The following PTPRD variants were observed in gnomAD, a reference collection of about 807,000 sequenced individuals.
PTPRD encodes receptor-type tyrosine-protein phosphatase delta.
Under a neutral mutation model 214.5 loss-of-function variants are expected in PTPRD, and 34 were observed. That is an observed-to-expected ratio of 0.16 (90% CI 0.12 to 0.21). PTPRD has a LOEUF of 0.21. PTPRD is among the 10% of genes least tolerant of loss of function. PTPRD has a pLI of 1.00. For missense variants in PTPRD, 2,545 were observed against 2,398.7 expected (o/e 1.06, Z -1.27); for synonymous variants, 1,128 against 845.7 (o/e 1.33, Z -5.79).
At chr9:8,337,173 C>G (rs186974692) in intron 43 of PTPRD, among the ~76,000 whole-genome samples, 1 of 152,226 alleles carries the variant, frequency 6.6e-6, no homozygotes, top group African/African-American at 2.4e-5. Flanking sequence ...GCACTATTCA[C>G]AATAGCAAAG....
chr9:9,146,088 A>T (rs1233471050), intron 10 of PTPRD, among the ~76,000 whole-genome samples: 2 of 152,182 alleles, frequency 1.3e-5, no homozygotes, highest in South Asian at 2.1e-4. Flanking sequence ...TCAGACCACA[A>T]ATGTGACTTC....
chr9:9,046,704 C>T (rs1186984046), intron 10 of PTPRD, among the ~76,000 whole-genome samples: 1 of 152,074 alleles, frequency 6.6e-6, no homozygotes, highest in East Asian at 1.9e-4. Context: ...TGTAATCATG[C>T]AGGCAATTTT....
At chr9:9,326,683 T>A (rs2040065608) in intron 9 of PTPRD, among the ~76,000 whole-genome samples, 1 of 150,086 alleles carries the variant, frequency 6.7e-6, no homozygotes, top group Non-Finnish European at 1.5e-5. Context: ...TAAAGACAAA[T>A]GAATCCTGAA....
At chr9:8,320,127 G>A in intron 44 of PTPRD, among the ~76,000 whole-genome samples, 161 bp from the exon 45 acceptor site, 1 of 151,952 alleles carries the variant, frequency 6.6e-6, no homozygotes, top group Non-Finnish European at 1.5e-5. Flanking sequence ...ATTACTCTTG[G>A]GATACTGAGT....
At chr9:9,078,994 T>C (rs551045911) in intron 10 of PTPRD, among the ~76,000 whole-genome samples, 34 of 152,192 alleles carry the variant, frequency 2.2e-4, no homozygotes, top group African/African-American at 6.5e-4. Flanking sequence ...TCATGATGTA[T>C]AGTGATCAGA....
intron 17 of PTPRD, chr9:8,525,303 T>G (rs1403082582): frequency 1.8e-6 from 1 of 541,118 alleles, no homozygotes; most frequent in African/African-American, 1.9e-5. Flanking sequence ...TTAACACTCT[T>G]ATTTCCTAGA....
chr9:9,365,345 T>C (rs1186541039), intron 9 of PTPRD, among the ~76,000 whole-genome samples: 1 of 151,564 alleles, frequency 6.6e-6, no homozygotes, highest in Non-Finnish European at 1.5e-5. Flanking sequence ...ATATAGTTGG[T>C]ATTAGCCTTA....
intron 3 of PTPRD, among the ~76,000 whole-genome samples, chr9:10,159,436 T>C (rs987152656): frequency 6.6e-6 from 1 of 151,334 alleles, no homozygotes; most frequent in African/African-American, 2.4e-5. Flanking sequence ...AAACAACTAA[T>C]CTTGGAAGCA....
intron 4 of PTPRD, among the ~76,000 whole-genome samples, chr9:10,006,318 CATT>C (rs927018946): frequency 7.8e-4 from 119 of 152,044 alleles, no homozygotes; most frequent in African/African-American, 2.8e-3. Flanking sequence ...GCTCTAGTCC[CATT>C]ATTACAATTT....
At chr9:10,233,525 G>C (rs928916303) in intron 3 of PTPRD, among the ~76,000 whole-genome samples, 1 of 151,774 alleles carries the variant, frequency 6.6e-6, no homozygotes, top group Non-Finnish European at 1.5e-5. Flanking sequence ...AAAAAAATCA[G>C]ATTAAATAAA....
chr9:8,465,347 TAATAAC>T, intron 32 of PTPRD, 113 bp downstream of exon 32: 1 of 895,266 alleles, frequency 1.1e-6, no homozygotes. Context: ...TTATTACACT[TAATAAC>T]AGTTCATGAG....
At chr9:8,969,297 T>C (rs1316545822) in intron 11 of PTPRD, among the ~76,000 whole-genome samples, 3 of 152,086 alleles carry the variant, frequency 2.0e-5, no homozygotes, top group Admixed American at 6.6e-5. Context: ...GACAACCATC[T>C]TGGAGAATGA....
At chr9:9,233,422 A>G (rs1031279023) in intron 9 of PTPRD, among the ~76,000 whole-genome samples, 2 of 152,150 alleles carry the variant, frequency 1.3e-5, no homozygotes, top group Non-Finnish European at 2.9e-5. Flanking sequence ...TTGGGTGGTG[A>G]CACCGAGCCA....
At chr9:8,955,926 T>C (rs2154311376) in intron 11 of PTPRD, among the ~76,000 whole-genome samples, 1 of 152,082 alleles carries the variant, frequency 6.6e-6, no homozygotes. Context: ...TATTTTACAT[T>C]AAATCTGTCT....
rs138384267 is a variant in PTPRD, at chr9:9,889,579, G to A, written c.-368+48928C>T. On this transcript the variant is annotated intron_variant, in intron 5 of 45. Coordinates refer to ENST00000381196, the MANE Select transcript of PTPRD (RefSeq NM_002839.4). ...TTAGTCAGGATTTTATTGCATATAT[G>A]TGTTAGTAATTGATTTACTGCCTCT... Among the ~76,000 whole-genome samples the A allele has an allele frequency of 2.9e-3, 447 of 152,218 alleles. 4 individuals are homozygous for A. The highest frequency in any genetic ancestry group is 0.01 in the African/African-American group (418 of 41,556).
At chr9:10,498,681 T>C (rs1323426308) in intron 2 of PTPRD, among the ~76,000 whole-genome samples, 7 of 152,070 alleles carry the variant, frequency 4.6e-5, no homozygotes, top group African/African-American at 9.6e-5. Context: ...GTGTTGTATA[T>C]TATAAATAGC....
chr9:9,217,784 C>A (rs2099953246), intron 9 of PTPRD, among the ~76,000 whole-genome samples: 1 of 152,176 alleles, frequency 6.6e-6, no homozygotes, highest in African/African-American at 2.4e-5. Context: ...TCCCGCCCAG[C>A]ATTCCAAATT....
intron 11 of PTPRD, among the ~76,000 whole-genome samples, chr9:8,738,156 G>C (rs79313380): frequency 6.6e-6 from 1 of 152,176 alleles, no homozygotes. Flanking sequence ...GAAACTAACA[G>C]TTCAGAGGGC....
intron 39 of PTPRD, among the ~76,000 whole-genome samples, chr9:8,355,119 G>C (rs141800380): frequency 6.0e-4 from 92 of 152,142 alleles, no homozygotes; most frequent in Admixed American, 5.2e-3. Flanking sequence ...TGAAGGCTTG[G>C]TGCCCTCACG....
Sources: allele counts gnomAD v4.1 joint callset (sites outside exome capture counted in the v4.1 genomes callset), GRCh38; gene constraint gnomAD v4.1.1; transcripts MANE v1.5; gene names NCBI Gene and HGNC (gene_info 2026-07-23, HGNC 2026-07-21).